Variants in CTNNA3 observed in about 807,000 individuals in gnomAD.
CTNNA3 encodes the protein catenin alpha 3.
In CTNNA3, 76 loss-of-function variants were observed where a neutral mutation model predicts 95.7. That is an observed-to-expected ratio of 0.79 (90% CI 0.66 to 0.96). The LOEUF is 0.96. CTNNA3 is among the 40% of genes least tolerant of loss of function. The probability of loss-of-function intolerance (pLI) is 0.00; values close to 1 mark genes in which losing one functional copy is unlikely to be tolerated. For missense variants in CTNNA3, 1,191 were observed against 1,089.8 expected, an observed-to-expected ratio of 1.09 and a Z score of -1.31; for synonymous variants, 431 against 374.4, an observed-to-expected ratio of 1.15 and a Z score of -1.74.
At chr10:66,795,833 A>G (rs1351562011) in intron 7 of CTNNA3, among the ~76,000 whole-genome samples, 2 of 152,270 alleles carry the variant, frequency 1.3e-5, no homozygotes, top group South Asian at 2.1e-4. Context: ...TTCACCTGGC[A>G]TTTTCATGTT....
intron 1 of CTNNA3, among the ~76,000 whole-genome samples, chr10:67,728,064 A>G (rs1026449537): frequency 8.5e-5 from 12 of 140,994 alleles, no homozygotes; most frequent in Non-Finnish European, 1.5e-4. Flanking sequence ...AATTATATGT[A>G]TATTACATAT....
chr10:67,484,565 C>A (rs1322322844), intron 5 of CTNNA3, among the ~76,000 whole-genome samples: 1 of 152,116 alleles, frequency 6.6e-6, no homozygotes, highest in Non-Finnish European at 1.5e-5. Flanking sequence ...TGACAAAGGT[C>A]TAATAGCTAG....
intron 4 of CTNNA3, among the ~76,000 whole-genome samples, chr10:67,525,886 G>A (rs113716506): frequency 0.015 from 2,215 of 152,218 alleles, 28 homozygotes; most frequent in Non-Finnish European, 0.025. Context: ...TTTATACGAG[G>A]TGCTGGGTGC....
chr10:66,332,507 C>G (rs1230998034), intron 12 of CTNNA3, among the ~76,000 whole-genome samples: 2 of 151,994 alleles, frequency 1.3e-5, no homozygotes, highest in Non-Finnish European at 2.9e-5. Flanking sequence ...GTCATTGGTT[C>G]TGTTTATACA....
At chr10:67,217,502 C>G (rs971259184) in intron 6 of CTNNA3, among the ~76,000 whole-genome samples, 3 of 152,146 alleles carry the variant, frequency 2.0e-5, no homozygotes, top group African/African-American at 7.2e-5. Context: ...CCCCTTCCCG[C>G]CTCATGAAGA....
At chr10:66,043,016 A>ATGAAAT (rs1446208443) in intron 15 of CTNNA3, among the ~76,000 whole-genome samples, 1 of 150,932 alleles carries the variant, frequency 6.6e-6, no homozygotes, top group Non-Finnish European at 1.5e-5. Context: ...AAATAAAAGG[A>ATGAAAT]TGAAATTGAC....
chr10:66,609,410 G>A (rs1270636347), intron 10 of CTNNA3, among the ~76,000 whole-genome samples: 1 of 147,714 alleles, frequency 6.8e-6, no homozygotes, highest in African/African-American at 2.5e-5. Flanking sequence ...AAGCTTACAA[G>A]AAAAGAAAAA....
At position 65,914,546 on chromosome 10, in the gene CTNNA3, C is replaced by T. The variant is rs528334489; in HGVS notation, c.*5784G>A. On this transcript the variant is annotated 3_prime_UTR_variant, in exon 18 of 18. Coordinates refer to ENST00000433211, the MANE Select transcript of CTNNA3 (RefSeq NM_013266.4). ...CCATAAAGAAGGAAAGATGTATTTG[C>T]TACAGTTTGGGTAAATTTCAAATAC... 2 of 152,244 alleles carry T rather than the reference C, an allele frequency of 1.3e-5. No individual in the cohort carries two copies. Among genetic ancestry groups the T allele is most frequent in the South Asian group, 2.1e-4 (1 of 4,826 alleles). The allele number at this position is 152,244 out of a possible 1,614,324, so 9.4% of individuals were successfully genotyped here.
At chr10:66,904,952 C>T (rs1038605127) in intron 7 of CTNNA3, among the ~76,000 whole-genome samples, 11 of 152,178 alleles carry the variant, frequency 7.2e-5, no homozygotes, top group Non-Finnish European at 1.2e-4. Flanking sequence ...CCATTATGGA[C>T]GACAGTGTGG....
chr10:67,193,397 A>G (rs923746523), intron 6 of CTNNA3, among the ~76,000 whole-genome samples: 20 of 152,122 alleles, frequency 1.3e-4, no homozygotes, highest in African/African-American at 4.3e-4. Flanking sequence ...GGTTTGTTAT[A>G]TAGGTAAACT....
chr10:66,163,011 C>A (rs1320354398), intron 13 of CTNNA3, among the ~76,000 whole-genome samples: 2 of 152,016 alleles, frequency 1.3e-5, no homozygotes, highest in Admixed American at 6.6e-5. Flanking sequence ...CAGTCACAGA[C>A]CTCACCCAGC....
At chr10:66,914,232 G>T (rs990652443) in intron 7 of CTNNA3, among the ~76,000 whole-genome samples, 1 of 149,670 alleles carries the variant, frequency 6.7e-6, no homozygotes, top group Non-Finnish European at 1.5e-5. Flanking sequence ...CCAGGTTGAC[G>T]CCATTCTCCT....
intron 9 of CTNNA3, among the ~76,000 whole-genome samples, chr10:66,720,140 A>G (rs534450004): frequency 2.6e-5 from 4 of 152,102 alleles, no homozygotes; most frequent in African/African-American, 9.7e-5. Context: ...CACGATGCTA[A>G]GGAAAATATT....
intron 11 of CTNNA3, among the ~76,000 whole-genome samples, chr10:66,381,832 A>G (rs1240947591): frequency 6.6e-6 from 1 of 152,214 alleles, no homozygotes; most frequent in African/African-American, 2.4e-5. Context: ...CAGAAAGCAT[A>G]TGTATATTAT....
intron 7 of CTNNA3, among the ~76,000 whole-genome samples, chr10:67,108,754 T>C (rs1211467610): frequency 2.0e-5 from 3 of 152,178 alleles, no homozygotes; most frequent in African/African-American, 7.2e-5. Flanking sequence ...TCTTTAGATG[T>C]CTGTGGATAT....
chr10:67,394,937 A>G (rs1410420338), intron 5 of CTNNA3, among the ~76,000 whole-genome samples: 1 of 152,170 alleles, frequency 6.6e-6, no homozygotes, highest in Admixed American at 6.6e-5. Context: ...TGTCAAAAAC[A>G]TGATATACTA....
chr10:67,746,898 C>T (rs115590873), intron 1 of CTNNA3, among the ~76,000 whole-genome samples: 1 of 152,200 alleles, frequency 6.6e-6, no homozygotes, highest in African/African-American at 2.4e-5. Flanking sequence ...GGGAGAAGGG[C>T]AGCAGCTATC....
At chr10:66,974,022 AACC>A (rs1009258966) in intron 7 of CTNNA3, among the ~76,000 whole-genome samples, 1 of 152,188 alleles carries the variant, frequency 6.6e-6, no homozygotes, top group Non-Finnish European at 1.5e-5. Context: ...ACACCAGTGT[AACC>A]ACCACACAAA....
At chr10:65,994,118 T>C (rs952092689) in intron 15 of CTNNA3, among the ~76,000 whole-genome samples, 2 of 152,210 alleles carry the variant, frequency 1.3e-5, no homozygotes, top group Non-Finnish European at 2.9e-5. Flanking sequence ...TAAATTGTTT[T>C]CTGGATGTTT....
Sources: allele counts gnomAD v4.1 joint callset (sites outside exome capture counted in the v4.1 genomes callset), GRCh38; gene constraint gnomAD v4.1.1; transcripts MANE v1.5; gene names NCBI Gene and HGNC (gene_info 2026-07-23, HGNC 2026-07-21).